Variants in PCDH9 observed in about 807,000 individuals in gnomAD.
PCDH9 encodes the protein protocadherin-9.
A neutral mutation model predicts 70.6 loss-of-function variants in PCDH9; 24 were observed. The observed-to-expected ratio is 0.34, with a 90% confidence interval of 0.25 to 0.48. The LOEUF (loss-of-function observed/expected upper bound fraction) is 0.48. Among genes scored for constraint, PCDH9 ranks in the 20% least tolerant of loss-of-function variants. The pLI is 0.99. For missense variants in PCDH9, 1,281 were observed against 1,503.6 expected, an observed-to-expected ratio of 0.85 and a Z score of 2.45; for synonymous variants, 562 against 558.5, an observed-to-expected ratio of 1.01 and a Z score of -0.09.
intron 3 of PCDH9, among the ~76,000 whole-genome samples, chr13:66,639,860 T>G (rs1170437333): frequency 6.6e-6 from 1 of 152,160 alleles, no homozygotes; most frequent in Non-Finnish European, 1.5e-5. Flanking sequence ...AACCTATTTC[T>G]CATTGCCCAG....
chr13:67,150,881 C>T (rs1214128578), intron 2 of PCDH9, among the ~76,000 whole-genome samples: 1 of 152,100 alleles, frequency 6.6e-6, no homozygotes, highest in Non-Finnish European at 1.5e-5. Context: ...TTAATCCAAC[C>T]TACATATACA....
intron 3 of PCDH9, among the ~76,000 whole-genome samples, chr13:66,822,420 T>C (rs889015423): frequency 6.6e-6 from 1 of 151,984 alleles, no homozygotes; most frequent in Non-Finnish European, 1.5e-5. Flanking sequence ...AAAGTCATTA[T>C]AAAAGATGTT....
intron 4 of PCDH9, among the ~76,000 whole-genome samples, chr13:66,431,741 C>T (rs80272318): frequency 0.016 from 2,501 of 152,032 alleles, 29 homozygotes; most frequent in East Asian, 0.053. Context: ...TTAAGTGATT[C>T]ATTCAGAAGC....
chr13:66,889,567 C>CATAAAGCAT (rs952673636), intron 3 of PCDH9, among the ~76,000 whole-genome samples: 1 of 152,098 alleles, frequency 6.6e-6, no homozygotes, highest in Non-Finnish European at 1.5e-5. Flanking sequence ...TAATAAGATA[C>CATAAAGCAT]ATAAAGCATA....
intron 4 of PCDH9, among the ~76,000 whole-genome samples, chr13:66,410,076 TAAAGTAAC>T (rs1957343951): frequency 6.6e-6 from 1 of 152,148 alleles, no homozygotes; most frequent in Non-Finnish European, 1.5e-5. Context: ...AACTTGGATA[TAAAGTAAC>T]AAATATAACA....
chr13:67,199,949 T>G (rs1166740669), intron 2 of PCDH9, among the ~76,000 whole-genome samples: 1 of 152,034 alleles, frequency 6.6e-6, no homozygotes, highest in Non-Finnish European at 1.5e-5. Flanking sequence ...CCTTTCTTTA[T>G]GAAAAACCAC....
chr13:66,730,876 G>GTGTTTTTTTTTTTTTTTT (rs1555262846), intron 3 of PCDH9, among the ~76,000 whole-genome samples: 2 of 46,358 alleles, frequency 4.3e-5, no homozygotes, highest in African/African-American at 1.5e-4. Context: ...GTGTGTGTGT[G>GTGTTTTTTTTTTTTTTTT]TTTTTTTTTT....
At chr13:67,179,699 G>C (rs1312608838) in intron 2 of PCDH9, among the ~76,000 whole-genome samples, 1 of 152,066 alleles carries the variant, frequency 6.6e-6, no homozygotes, top group Non-Finnish European at 1.5e-5. Context: ...CATTTATGAA[G>C]TAAATATTGT....
intron 3 of PCDH9, among the ~76,000 whole-genome samples, chr13:66,847,130 G>T (rs1017300955): frequency 1.3e-5 from 2 of 152,046 alleles, no homozygotes; most frequent in Non-Finnish European, 1.5e-5. Context: ...TTTTAGAAAA[G>T]ATTTGCATTA....
At chr13:66,445,092 TTATA>T (rs1258755126) in intron 4 of PCDH9, among the ~76,000 whole-genome samples, 1 of 147,160 alleles carries the variant, frequency 6.8e-6, no homozygotes, top group African/African-American at 2.5e-5. Context: ...ATATATAATA[TTATA>T]TATAATGTAT....
chr13:66,878,893 G>T (rs1268483054), intron 3 of PCDH9, among the ~76,000 whole-genome samples: 1 of 152,134 alleles, frequency 6.6e-6, no homozygotes, highest in Non-Finnish European at 1.5e-5. Context: ...TTTTGTAAGG[G>T]TTCTTTTCTA....
chr13:66,836,275 G>A (rs927612462), intron 3 of PCDH9, among the ~76,000 whole-genome samples: 25 of 152,212 alleles, frequency 1.6e-4, no homozygotes, highest in Non-Finnish European at 3.7e-4. Flanking sequence ...CTCCCCAGTA[G>A]TTTAGGATAA....
At chr13:66,993,578 C>T (rs1055371576) in intron 2 of PCDH9, among the ~76,000 whole-genome samples, 1 of 152,144 alleles carries the variant, frequency 6.6e-6, no homozygotes, top group Non-Finnish European at 1.5e-5. Flanking sequence ...GTTTTGGCCA[C>T]TATCATACCA....
At chr13:66,771,646 A>AT (rs1439609947) in intron 3 of PCDH9, among the ~76,000 whole-genome samples, 3 of 152,230 alleles carry the variant, frequency 2.0e-5, no homozygotes, top group Admixed American at 6.5e-5. Flanking sequence ...AGGAGGCAGT[A>AT]TAGAGTTTTG....
chr13:66,583,719 C>T (rs909679516), intron 4 of PCDH9, among the ~76,000 whole-genome samples: 6 of 152,240 alleles, frequency 3.9e-5, no homozygotes, highest in African/African-American at 7.2e-5. Flanking sequence ...GTAAGAAATA[C>T]TCCACGGAAA....
At chr13:66,909,629 C>T (rs935357923) in intron 2 of PCDH9, among the ~76,000 whole-genome samples, 8 of 151,856 alleles carry the variant, frequency 5.3e-5, no homozygotes, top group South Asian at 2.1e-4. Context: ...ATTAGCCGGG[C>T]GTGGTGGCGG....
chr13:66,814,501 T>C (rs547267249), intron 3 of PCDH9, among the ~76,000 whole-genome samples: 82 of 152,226 alleles, frequency 5.4e-4, no homozygotes, highest in African/African-American at 1.9e-3. Context: ...TAAATACTTA[T>C]CAAATTAGTA....
At chr13:66,685,675 G>A (rs999990261) in intron 3 of PCDH9, among the ~76,000 whole-genome samples, 18 of 152,296 alleles carry the variant, frequency 1.2e-4, no homozygotes, top group African/African-American at 3.8e-4. Context: ...TATAAATGAA[G>A]GAGGGCTATA....
At chr13:66,354,615 A>G (rs1271092405) in intron 4 of PCDH9, among the ~76,000 whole-genome samples, 1 of 152,172 alleles carries the variant, frequency 6.6e-6, no homozygotes, top group Non-Finnish European at 1.5e-5. Flanking sequence ...AAAGAATGCA[A>G]AAGAGTGCAA....
Sources: gnomAD v4.1 joint callset for allele counts (sites outside exome capture counted in the v4.1 genomes callset) on GRCh38, gnomAD v4.1.1 for gene constraint, MANE v1.5 for transcripts, NCBI Gene and HGNC (gene_info 2026-07-23, HGNC 2026-07-21) for gene names.